The following MGAT5 variants were observed in gnomAD, a reference collection of about 807,000 sequenced individuals.
MGAT5 encodes the protein alpha-1,6-mannosylglycoprotein 6-beta-N-acetylglucosaminyltransferase.
Under a neutral mutation model 94.3 loss-of-function variants are expected in MGAT5, and 30 were observed. The observed-to-expected ratio is 0.32, with a 90% CI of 0.24 to 0.43. The LOEUF is 0.43. Among genes scored for constraint, MGAT5 ranks in the 20% least tolerant of loss-of-function variants. MGAT5 has a pLI of 1.00. For synonymous variants in MGAT5, 310 were observed against 322.9 expected (o/e 0.96, Z 0.43); for missense variants, 691 against 905.5 (o/e 0.76, Z 3.04).
At chr2:134,178,779 C>T (rs1688597049) in intron 1 of MGAT5, among the ~76,000 whole-genome samples, 1 of 152,056 alleles carries the variant, frequency 6.6e-6, no homozygotes, top group Non-Finnish European at 1.5e-5. Context: ...ACACCTGTGT[C>T]CTCTCTTCAT....
At chr2:134,234,048 T>C (rs1356818052) in intron 1 of MGAT5, among the ~76,000 whole-genome samples, 1 of 152,224 alleles carries the variant, frequency 6.6e-6, no homozygotes, top group Non-Finnish European at 1.5e-5. Flanking sequence ...TGTCCTTTCA[T>C]GATGGGTAAT....
intron 1 of MGAT5, among the ~76,000 whole-genome samples, chr2:134,164,567 C>G (rs761609898): frequency 1.1e-4 from 17 of 152,044 alleles, no homozygotes; most frequent in Non-Finnish European, 1.9e-4. Context: ...GGTGGTTATT[C>G]CTGAATGCAA....
At chr2:134,154,523 G>A (rs1687383989) in intron 1 of MGAT5, among the ~76,000 whole-genome samples, 1 of 152,196 alleles carries the variant, frequency 6.6e-6, no homozygotes, top group Non-Finnish European at 1.5e-5. Context: ...CGCCCGTCCA[G>A]GTGTCCCCAT....
At position 134,331,466 on chromosome 2, in the gene MGAT5, G is replaced by A. The variant is rs12471826; in HGVS notation, c.574-4751G>A. Among the ~76,000 whole-genome samples, 50 of 152,212 alleles carry A rather than the reference G, an allele frequency of 3.3e-4. No homozygotes were observed. In the South Asian group the frequency reaches 3.3e-3, roughly 10 times the overall value. On this transcript the variant is annotated intron_variant, in intron 4 of 15. Coordinates refer to ENST00000281923, the MANE Select transcript of MGAT5 (RefSeq NM_002410.5). ...TTCTCCTCAATCGATTGTTGTGTGC[G>A]TGTTGCCGTGAGCTCAGACAGTTTT... is the stretch of plus-strand genomic sequence containing the variant.
At chr2:134,439,933 C>T (rs1197063427) in intron 14 of MGAT5, among the ~76,000 whole-genome samples, 1 of 152,066 alleles carries the variant, frequency 6.6e-6, no homozygotes, top group East Asian at 1.9e-4. Context: ...AGCCCTGGGC[C>T]CTGAGATTAC....
chr2:134,419,895 T>C (rs1238000624), intron 12 of MGAT5, among the ~76,000 whole-genome samples: 2 of 152,198 alleles, frequency 1.3e-5, no homozygotes, highest in Non-Finnish European at 2.9e-5. Context: ...TTACCCTGAT[T>C]CCGTCAGAAA....
chr2:134,441,639 C>A (rs765282682), intron 14 of MGAT5, 119 bp from the exon 15 acceptor site: 7 of 1,253,552 alleles, frequency 5.6e-6, no homozygotes, highest in Non-Finnish European at 7.8e-6. Context: ...TGGCTCCCAA[C>A]TCTTCCCCGT....
intron 1 of MGAT5, among the ~76,000 whole-genome samples, chr2:134,233,481 A>G (rs1485745261): frequency 6.6e-6 from 1 of 152,072 alleles, no homozygotes; most frequent in East Asian, 1.9e-4. Context: ...CACTTGGTGC[A>G]TTTTTTTTAT....
At position 134,381,587 on chromosome 2, in the gene MGAT5, C is replaced by CT. The variant is rs550692732; in HGVS notation, c.1380+19180dup. On this transcript the variant is annotated intron_variant, in intron 10 of 15. Coordinates refer to ENST00000281923, the MANE Select transcript of MGAT5 (RefSeq NM_002410.5). The stretch of plus-strand genomic sequence containing the variant: ...TACAGCCTGGGCAACATAGCAAGAC[C>CT]TGTCTCTAAAATAGATAGACAGACA... Among the ~76,000 whole-genome samples the CT allele has an allele frequency of 2.5e-4, 37 of 148,296 alleles. 2 individuals carry two copies. Among genetic ancestry groups the CT allele is most frequent in the African/African-American group, 7.1e-4 (29 of 40,924 alleles).
intron 6 of MGAT5, among the ~76,000 whole-genome samples, chr2:134,339,053 A>G (rs1485892421): frequency 4.6e-5 from 7 of 152,198 alleles, no homozygotes; most frequent in African/African-American, 1.7e-4. Flanking sequence ...TTGCTCCCAC[A>G]TCTAAAAAAC....
intron 2 of MGAT5, among the ~76,000 whole-genome samples, chr2:134,315,154 T>C (rs1313703601): frequency 6.6e-6 from 1 of 152,218 alleles, no homozygotes; most frequent in Admixed American, 6.5e-5. Context: ...TCTCATTCAG[T>C]GATCCTGCTT....
rs1454730431 is a variant in MGAT5, at chr2:134,338,271, A to G, written c.658A>G (p.Thr220Ala). 2 of 1,588,636 alleles carry G rather than the reference A, an allele frequency of 1.3e-6. No homozygotes were observed. Among genetic ancestry groups the G allele is most frequent in the Non-Finnish European group, 1.7e-6 (2 of 1,170,112 alleles). The part of the protein sequence containing the change: ...ADHNSLAEIR[T>A]DFNILYSMMK... ...TTTCTGTTGCTAGGCGGAAATTCGT[A>G]CAGATTTTAATATTCTCTACAGTAT... is the stretch of plus-strand genomic sequence containing the variant. The change falls in exon 6 of 16, where the codon ACA becomes GCA. Residue 220 changes from threonine to alanine, a missense_variant. Physicochemically the swap from Thr to Ala is moderately conservative, Grantham distance 58. Transcript: ENST00000281923.
Position 134,420,410 on chromosome 2 carries a change from C to T in MGAT5, c.1678-2393C>T, listed in dbSNP as rs557078848. ...AGGAAGACAGCACCTGTCAGAAGGG[C>T]GGGAAACTGAAGAGACTGATGACGG... On this transcript the variant is annotated intron_variant, in intron 12 of 15. Transcript: ENST00000281923. Among the ~76,000 whole-genome samples, 13 of 152,232 alleles carry T rather than the reference C, an allele frequency of 8.5e-5. No individual in the cohort carries two copies. The South Asian group carries it at 1.0e-3, about 12-fold the overall frequency.
intron 1 of MGAT5, among the ~76,000 whole-genome samples, chr2:134,180,745 A>G (rs1206378808): frequency 6.6e-6 from 1 of 152,202 alleles, no homozygotes; most frequent in Non-Finnish European, 1.5e-5. Flanking sequence ...AACTGTGTGT[A>G]AAATAAGAGA....
At chr2:134,393,400 C>T (rs930989330) in intron 10 of MGAT5, among the ~76,000 whole-genome samples, 5 of 152,192 alleles carry the variant, frequency 3.3e-5, no homozygotes, top group African/African-American at 1.2e-4. Flanking sequence ...TTCTGTGAGA[C>T]TGCTGGTAAG....
chr2:134,127,501 C>CA (rs375519755), intron 1 of MGAT5, among the ~76,000 whole-genome samples: 79 of 127,850 alleles, frequency 6.2e-4, no homozygotes, highest in African/African-American at 1.9e-3. Context: ...GGTTTCCCCC[C>CA]CCCCCAGGCT....
intron 10 of MGAT5, among the ~76,000 whole-genome samples, chr2:134,399,494 T>C (rs761100238): frequency 6.6e-6 from 1 of 152,200 alleles, no homozygotes; most frequent in Non-Finnish European, 1.5e-5. Context: ...TAAGTTTTAA[T>C]CAGTTAGATC....
In MGAT5 at chr2:134,448,522, A is replaced by G. The variant is rs573837206; in HGVS notation, c.2028-127A>G. On this transcript the variant is annotated intron_variant, in intron 15 of 15. Transcript: ENST00000281923. ...AGACGAAGAGGGTGGGCACCATTTC[A>G]TTTCTAAAGTAGGACAAGACAACTG... The G allele has an allele frequency of 2.2e-5, 19 of 867,710 alleles. No homozygotes were observed. The East Asian group carries it at 4.6e-4, about 21-fold the overall frequency. 53.8% of individuals were successfully genotyped at this position (867,710 alleles called of 1,614,324 possible). A position where few individuals can be genotyped will look rare whatever the true frequency, so the allele number is the denominator to read the frequency against.
chr2:134,430,637 A>G (rs1684827494), intron 14 of MGAT5, among the ~76,000 whole-genome samples: 1 of 152,214 alleles, frequency 6.6e-6, no homozygotes, highest in South Asian at 2.1e-4. Flanking sequence ...TGTCTGCTGG[A>G]AAGCATGCTA....
Sources: allele counts gnomAD v4.1 joint callset (sites outside exome capture counted in the v4.1 genomes callset), GRCh38; gene constraint gnomAD v4.1.1; transcripts MANE v1.5; gene names NCBI Gene and HGNC (gene_info 2026-07-23, HGNC 2026-07-21).